Variants in PRDM16 observed in about 807,000 individuals in gnomAD.
The protein encoded by PRDM16 is histone-lysine N-methyltransferase PRDM16.
A neutral mutation model predicts 110.6 loss-of-function variants in PRDM16; 23 were observed. The observed-to-expected ratio is 0.21, with a 90% CI of 0.15 to 0.29. PRDM16 has a LOEUF of 0.29. Ranked by LOEUF, PRDM16 falls within the 10% of genes least tolerant of loss-of-function variation. The probability of loss-of-function intolerance (pLI) is 1.00; values close to 1 mark genes in which losing one functional copy is unlikely to be tolerated. For synonymous variants in PRDM16, 799 were observed against 781.8 expected (o/e 1.02, Z -0.37); for missense variants, 1,615 against 1,794.3 (o/e 0.90, Z 1.81).
chr1:3,273,528 C>T (rs1248547749), intron 3 of PRDM16, among the ~76,000 whole-genome samples: 2 of 151,518 alleles, frequency 1.3e-5, no homozygotes, highest in African/African-American at 2.4e-5. Context: ...CATGTGTGTA[C>T]GTGGGTGGGT....
intron 2 of PRDM16, among the ~76,000 whole-genome samples, chr1:3,197,045 C>T (rs929331532): frequency 9.8e-5 from 15 of 152,306 alleles, no homozygotes; most frequent in Middle Eastern, 3.4e-3. Flanking sequence ...CTCCTGTCCC[C>T]GGCCACAGCT....
intron 1 of PRDM16, among the ~76,000 whole-genome samples, chr1:3,101,499 G>A (rs1159581077): frequency 6.6e-6 from 1 of 152,248 alleles, no homozygotes; most frequent in East Asian, 1.9e-4. Flanking sequence ...CAGGCTGGGG[G>A]AGCGGCGGCC....
intron 2 of PRDM16, among the ~76,000 whole-genome samples, chr1:3,202,064 T>C (rs1638642378): frequency 6.6e-6 from 1 of 152,206 alleles, no homozygotes. Context: ...GCTTTCCACC[T>C]GCCTCAGGAG....
intron 1 of PRDM16, among the ~76,000 whole-genome samples, chr1:3,165,553 G>T (rs112505854): frequency 5.7e-5 from 6 of 104,556 alleles, no homozygotes; most frequent in South Asian, 3.5e-4. Context: ...TCAGGGACAG[G>T]GACTCACCAG....
intron 3 of PRDM16, among the ~76,000 whole-genome samples, chr1:3,268,075 C>T (rs1255111775): frequency 6.6e-6 from 1 of 152,198 alleles, no homozygotes; most frequent in Non-Finnish European, 1.5e-5. Context: ...AACCATGACC[C>T]CCGAATCTAA....
intron 1 of PRDM16, among the ~76,000 whole-genome samples, chr1:3,146,552 G>T (rs999480973): frequency 6.0e-5 from 9 of 149,476 alleles, no homozygotes; most frequent in Non-Finnish European, 1.3e-4. Context: ...TGTTCGGTGT[G>T]GGGTGTGTAC....
intron 1 of PRDM16, among the ~76,000 whole-genome samples, chr1:3,184,294 T>C (rs1644243518): frequency 6.6e-6 from 1 of 152,246 alleles, no homozygotes; most frequent in Non-Finnish European, 1.5e-5. Context: ...TGTGCTGATC[T>C]GTTTGCAACC....
At chr1:3,387,622 C>T (rs979605086) in intron 4 of PRDM16, among the ~76,000 whole-genome samples, 1 of 152,200 alleles carries the variant, frequency 6.6e-6, no homozygotes, top group Non-Finnish European at 1.5e-5. Context: ...GGTGCACCTC[C>T]GAGCTGGATA....
In PRDM16 at chr1:3,242,537, C is replaced by T. The variant is rs868339261; in HGVS notation, c.388-1550C>T. Among the ~76,000 whole-genome samples, 5 of 152,344 alleles carry T rather than the reference C, an allele frequency of 3.3e-5. No individual in the cohort carries two copies. In the South Asian group the frequency reaches 6.2e-4, roughly 19 times the overall value. ...AGCTCCTCGAGCTCTGCCTCCAGCACGCCTCGGCCCCGCAGGCAGGTCACA... is the reference window on the plus strand; with the variant it reads ...AGCTCCTCGAGCTCTGCCTCCAGCATGCCTCGGCCCCGCAGGCAGGTCACA... On this transcript the variant is annotated intron_variant, in intron 2 of 16. Transcript: ENST00000270722.
intron 2 of PRDM16, among the ~76,000 whole-genome samples, chr1:3,191,148 GTGCCTC>G (rs1431610156): frequency 6.6e-6 from 1 of 152,268 alleles, no homozygotes; most frequent in African/African-American, 2.4e-5. Flanking sequence ...TGATGAGTAA[GTGCCTC>G]TGCCTCTGCT....
intron 5 of PRDM16, among the ~76,000 whole-genome samples, chr1:3,399,254 G>T (rs7542793): frequency 3.9e-5 from 6 of 152,152 alleles, no homozygotes; most frequent in African/African-American, 1.4e-4. Flanking sequence ...GAGGCAGTGC[G>T]TGGAGGACAG....
intron 6 of PRDM16, 124 bp downstream of exon 6, chr1:3,403,122 G>C: frequency 1.1e-5 from 10 of 883,856 alleles, no homozygotes; most frequent in Non-Finnish European, 1.8e-5. Flanking sequence ...CCCAACAGGT[G>C]TAGACAAAGG....
At chr1:3,163,930 C>T (rs940091782) in intron 1 of PRDM16, among the ~76,000 whole-genome samples, 2 of 152,224 alleles carry the variant, frequency 1.3e-5, no homozygotes, top group African/African-American at 4.8e-5. Context: ...TATGGATAAC[C>T]TCACTTCATC....
At chr1:3,369,760 G>C (rs1200236753) in intron 3 of PRDM16, among the ~76,000 whole-genome samples, 2 of 152,278 alleles carry the variant, frequency 1.3e-5, no homozygotes, top group Admixed American at 1.3e-4. Context: ...GCCTAGTCCG[G>C]GAAGAAACCA....
chr1:3,212,185 G>C (rs1638901792), intron 2 of PRDM16, among the ~76,000 whole-genome samples: 1 of 152,212 alleles, frequency 6.6e-6, no homozygotes, highest in East Asian at 1.9e-4. Flanking sequence ...TACTGGGAAA[G>C]GGGCCAGTGC....
At chr1:3,226,451 G>C (rs7552080) in intron 2 of PRDM16, among the ~76,000 whole-genome samples, 3,648 of 152,258 alleles carry the variant, frequency 0.024, 139 homozygotes, top group African/African-American at 0.083. Flanking sequence ...GGCCGTCTCT[G>C]CTCGCTCAGA....
intron 3 of PRDM16, among the ~76,000 whole-genome samples, chr1:3,374,509 C>A (rs769880150): frequency 6.6e-6 from 1 of 152,224 alleles, no homozygotes; most frequent in Admixed American, 6.5e-5. Context: ...ACTCCCCCAC[C>A]GGCCCCGCAC....
chr1:3,105,586 T>C (rs778722825), intron 1 of PRDM16, among the ~76,000 whole-genome samples: 3 of 152,348 alleles, frequency 2.0e-5, no homozygotes, highest in Non-Finnish European at 4.4e-5. Context: ...AGCCTAGCGC[T>C]GTCCCCAATC....
intron 2 of PRDM16, among the ~76,000 whole-genome samples, chr1:3,204,913 G>A (rs931172209): frequency 2.8e-4 from 43 of 152,198 alleles, no homozygotes; most frequent in Non-Finnish European, 1.5e-4. Context: ...GGCCCTCGCC[G>A]GGACAATGTG....
Sources: allele counts gnomAD v4.1 joint callset (sites outside exome capture counted in the v4.1 genomes callset), GRCh38; gene constraint gnomAD v4.1.1; transcripts MANE v1.5; gene names NCBI Gene and HGNC (gene_info 2026-07-23, HGNC 2026-07-21).